PRELID2: variants seen among roughly 807,000 people sequenced by gnomAD.
PRELID2 encodes the protein PRELI domain-containing protein 2.
A neutral mutation model predicts 28.4 loss-of-function variants in PRELID2; 25 were observed. The observed-to-expected ratio is 0.88, with a 90% confidence interval of 0.64 to 1.23. The LOEUF (loss-of-function observed/expected upper bound fraction) is 1.23, where lower values mean the gene tolerates loss of function less well. Among genes scored for constraint, PRELID2 ranks in the 50% most tolerant of loss-of-function variants. The pLI, the probability that PRELID2 is intolerant of heterozygous loss-of-function variation, is 0.00. For missense variants in PRELID2, 201 were observed against 214.4 expected (o/e 0.94, Z 0.39); for synonymous variants, 76 against 71.6 (o/e 1.06, Z -0.31).
the PRELID2 span, among the ~76,000 whole-genome samples, chr5:145,413,010 C>A: frequency 2.6e-5 from 4 of 152,092 alleles, no homozygotes; most frequent in Non-Finnish European, 5.9e-5. Context: ...CTTGACCTGT[C>A]CCCCCTTGAC....
chr5:145,644,035 G>A (rs946214381), intron 1 of PRELID2, among the ~76,000 whole-genome samples: 5 of 152,192 alleles, frequency 3.3e-5, no homozygotes, highest in Admixed American at 3.3e-4. Context: ...CATAAAGTGA[G>A]TTAGGGAGGA....
intron 1 of PRELID2, among the ~76,000 whole-genome samples, chr5:145,613,203 T>G (rs892737699): frequency 6.6e-6 from 1 of 152,180 alleles, no homozygotes; most frequent in Non-Finnish European, 1.5e-5. Context: ...CGCATTGTGG[T>G]TTTGATTTGC....
chr5:145,265,376 G>C, the PRELID2 span, among the ~76,000 whole-genome samples: 1 of 152,118 alleles, frequency 6.6e-6, no homozygotes, highest in East Asian at 1.9e-4. Context: ...TTAACATTGT[G>C]AAAATGACCA....
intron 1 of PRELID2, among the ~76,000 whole-genome samples, chr5:145,635,361 C>A (rs1640826399): frequency 1.3e-5 from 2 of 151,966 alleles, no homozygotes; most frequent in South Asian, 2.1e-4. Flanking sequence ...CAAGATGATT[C>A]TGTGCCTTAA....
At chr5:145,716,624 T>C (rs1368059066) in intron 1 of PRELID2, among the ~76,000 whole-genome samples, 2 of 152,222 alleles carry the variant, frequency 1.3e-5, no homozygotes, top group Non-Finnish European at 2.9e-5. Flanking sequence ...TTTTTATTCA[T>C]AAGAAGACAT....
chr5:145,687,355 A>G (rs1218528038), intron 1 of PRELID2, among the ~76,000 whole-genome samples: 2 of 152,210 alleles, frequency 1.3e-5, no homozygotes, highest in Non-Finnish European at 2.9e-5. Flanking sequence ...TCAAAAGACA[A>G]TCAGACAAAC....
At chr5:145,291,181 T>C in the PRELID2 span, among the ~76,000 whole-genome samples, 1 of 133,824 alleles carries the variant, frequency 7.5e-6, no homozygotes, top group Non-Finnish European at 1.6e-5. Flanking sequence ...CTACTAAAAA[T>C]ACAAAAGTTT....
At chr5:145,297,931 T>C in the PRELID2 span, among the ~76,000 whole-genome samples, 831 of 152,078 alleles carry the variant, frequency 5.5e-3, 4 homozygotes, top group Non-Finnish European at 9.4e-3. Context: ...AGGACCTCTT[T>C]AAGGAGAACT....
At chr5:145,653,057 T>C (rs1364511503) in intron 1 of PRELID2, among the ~76,000 whole-genome samples, 1 of 151,918 alleles carries the variant, frequency 6.6e-6, no homozygotes, top group Non-Finnish European at 1.5e-5. Context: ...TGGAAGAAGA[T>C]CTACCAAGCA....
In PRELID2 at chr5:145,481,923, G is replaced by A. The variant is rs146364641; in HGVS notation, n.71-8608C>T. ...AATGAATTTGTTACAGTTGGTATTA[G>A]TTTGTTACAACTAAACTGTATTAGT... On this transcript the variant is annotated intron_variant and non_coding_transcript_variant, in intron 1 of 2. Coordinates refer to the PRELID2 transcript ENST00000510259. Among the ~76,000 whole-genome samples the A allele has an allele frequency of 6.5e-4, 99 of 152,244 alleles. No individual in the cohort carries two copies. The East Asian group carries it at 0.012, about 18-fold the overall frequency.
the PRELID2 span, among the ~76,000 whole-genome samples, chr5:145,462,720 C>G: frequency 6.6e-6 from 1 of 152,244 alleles, no homozygotes; most frequent in African/African-American, 2.4e-5. Context: ...GGTTTCCTCC[C>G]TGTGTAATCA....
At chr5:145,276,761 C>A in the PRELID2 span, among the ~76,000 whole-genome samples, 1 of 152,052 alleles carries the variant, frequency 6.6e-6, no homozygotes, top group East Asian at 1.9e-4. Flanking sequence ...GTTCTATCAT[C>A]ACTTTCCTGT....
chr5:145,740,319 TAA>T (rs869228809), intron 1 of PRELID2, among the ~76,000 whole-genome samples: 26 of 84,606 alleles, frequency 3.1e-4, no homozygotes, highest in African/African-American at 1.0e-3. Context: ...TATATATATA[TAA>T]ATCCTAAATG....
At chr5:145,627,461 A>T (rs1753867942) in intron 1 of PRELID2, among the ~76,000 whole-genome samples, 1 of 152,154 alleles carries the variant, frequency 6.6e-6, no homozygotes, top group Non-Finnish European at 1.5e-5. Flanking sequence ...TTCACATAAC[A>T]TAACTGCACT....
chr5:145,516,188 A>G (rs962048747), intron 1 of PRELID2, among the ~76,000 whole-genome samples: 95 of 152,184 alleles, frequency 6.2e-4, no homozygotes, highest in African/African-American at 2.3e-3. Context: ...ATGGGAAGAG[A>G]GGAAGTCAAA....
At chr5:145,439,088 T>C in the PRELID2 span, among the ~76,000 whole-genome samples, 12 of 152,272 alleles carry the variant, frequency 7.9e-5, no homozygotes, top group South Asian at 4.1e-4. Context: ...CCTTTACTTG[T>C]GTCCCCACTT....
At chr5:145,271,392 A>G in the PRELID2 span, among the ~76,000 whole-genome samples, 1,107 of 151,798 alleles carry the variant, frequency 7.3e-3, 15 homozygotes, top group African/African-American at 0.023. Context: ...GCTGGGAAAA[A>G]CTTTGTAGAG....
intron 1 of PRELID2, among the ~76,000 whole-genome samples, chr5:145,721,703 A>C (rs1008031345): frequency 6.6e-6 from 1 of 152,192 alleles, no homozygotes; most frequent in East Asian, 1.9e-4. Flanking sequence ...CAGGATGTAT[A>C]TAAGACCCAC....
intron 1 of PRELID2, chr5:145,728,764 G>T (rs1336084080): frequency 8.9e-6 from 12 of 1,350,578 alleles, no homozygotes; most frequent in East Asian, 4.6e-5. Context: ...GCTTCATTTT[G>T]TTTTGCACCA....
Sources: gnomAD v4.1 joint callset for allele counts (sites outside exome capture counted in the v4.1 genomes callset) on GRCh38, gnomAD v4.1.1 for gene constraint, MANE v1.5 for transcripts, NCBI Gene and HGNC (gene_info 2026-07-23, HGNC 2026-07-21) for gene names.